Variants in REC114 observed in about 807,000 individuals in gnomAD.
REC114 encodes REC114 meiotic recombination protein, also known as meiotic recombination protein REC114.
REC114 carries 27 observed loss-of-function variants against 31.3 expected under a neutral mutation model. The ratio of observed to expected loss-of-function variants is 0.86; its 90% CI spans 0.64 to 1.19. The LOEUF is 1.19. Ranked by LOEUF, REC114 falls within the 50% of genes most tolerant of loss-of-function variation. The pLI, the probability that REC114 is intolerant of heterozygous loss-of-function variation, is 0.00. For synonymous variants in REC114, 134 were observed against 127.7 expected (o/e 1.05, Z -0.33); for missense variants, 344 against 326.9 (o/e 1.05, Z -0.40).
intron 3 of REC114, among the ~76,000 whole-genome samples, chr15:73,541,995 C>CT (rs1894244485): frequency 6.6e-6 from 1 of 151,880 alleles, no homozygotes; most frequent in East Asian, 1.9e-4. Flanking sequence ...GAAAAATCAG[C>CT]TATAATGGCC....
At chr15:73,526,243 C>T (rs770164086) in intron 2 of REC114, among the ~76,000 whole-genome samples, 4 of 152,060 alleles carry the variant, frequency 2.6e-5, no homozygotes, top group Admixed American at 1.3e-4. Context: ...GATAGAATAT[C>T]GTCTGATCTT....
In REC114 at chr15:73,540,536, G is replaced by A. The variant is rs182542888; in HGVS notation, c.301G>A (p.Val101Met). 30 of 1,613,910 alleles carry A rather than the reference G, an allele frequency of 1.9e-5. No homozygotes were observed. The Middle Eastern group carries it at 1.3e-3, about 71-fold the overall frequency. The change falls in exon 3 of 6, where the codon GTG becomes ATG. Residue 101 changes from valine (V) to methionine (M), a missense_variant. Val to Met is a conservative substitution (Grantham distance 21, BLOSUM62 1). Coordinates refer to ENST00000331090, the MANE Select transcript of REC114 (RefSeq NM_001042367.2). The stretch of plus-strand genomic sequence containing the variant: ...GGACTGGTTGAAGATTGTAAGACGC[G>A]TGGATTGTCTGTTGTTTGGAACAAC... ...SKDWLKIVRRVDCLLFGTTIK... is the reference protein window; with the variant it reads ...SKDWLKIVRRMDCLLFGTTIK...
At chr15:73,528,802 T>C (rs939710489) in intron 2 of REC114, among the ~76,000 whole-genome samples, 2 of 152,084 alleles carry the variant, frequency 1.3e-5, no homozygotes, top group South Asian at 4.2e-4. Flanking sequence ...AATGCCAAAA[T>C]ATTTACTCAC....
At chr15:73,474,052 G>GA in intron 2 of REC114, 131 bp downstream of exon 2, 1 of 678,542 alleles carries the variant, frequency 1.5e-6, no homozygotes, top group South Asian at 1.7e-5. Context: ...AGCATTTATC[G>GA]AATGTGCCAT....
At chr15:73,458,871 C>A (rs1892952566) in intron 1 of REC114, among the ~76,000 whole-genome samples, 1 of 152,104 alleles carries the variant, frequency 6.6e-6, no homozygotes, top group South Asian at 2.1e-4. Flanking sequence ...ATATGTCTAG[C>A]TAAAAAAACT....
At chr15:73,502,120 A>C (rs559915480) in intron 2 of REC114, among the ~76,000 whole-genome samples, 19 of 150,272 alleles carry the variant, frequency 1.3e-4, no homozygotes, top group African/African-American at 4.7e-4. Flanking sequence ...ACGCCACTGC[A>C]CTCCAGCCTG....
intron 3 of REC114, among the ~76,000 whole-genome samples, chr15:73,542,021 CT>C (rs879624654): frequency 6.6e-6 from 1 of 150,634 alleles, no homozygotes; most frequent in East Asian, 1.9e-4. Flanking sequence ...AACCAGATTT[CT>C]TTTTTTTTCA....
At chr15:73,468,389 AGTGTAT>A (rs1893089501) in intron 1 of REC114, among the ~76,000 whole-genome samples, 1 of 152,168 alleles carries the variant, frequency 6.6e-6, no homozygotes, top group Non-Finnish European at 1.5e-5. Flanking sequence ...GTTCTTCATT[AGTGTAT>A]GTAAATGCAA....
chr15:73,484,140 C>T (rs766173595), intron 2 of REC114, among the ~76,000 whole-genome samples: 1 of 152,022 alleles, frequency 6.6e-6, no homozygotes, highest in Non-Finnish European at 1.5e-5. Context: ...CATCCTCCAC[C>T]TAGTGAATGT....
chr15:73,545,310 A>G (rs1005478902), intron 3 of REC114, among the ~76,000 whole-genome samples: 20 of 152,306 alleles, frequency 1.3e-4, no homozygotes, highest in African/African-American at 4.8e-4. Flanking sequence ...GATTGTTGGT[A>G]TACTTGAGAA....
At chr15:73,444,406 C>A (rs1014009856) in intron 1 of REC114, among the ~76,000 whole-genome samples, 3 of 152,220 alleles carry the variant, frequency 2.0e-5, no homozygotes, top group Non-Finnish European at 2.9e-5. Context: ...ACTTTGCTGT[C>A]ATTTCAGCAA....
intron 2 of REC114, among the ~76,000 whole-genome samples, chr15:73,480,722 G>A (rs954114384): frequency 2.0e-5 from 3 of 152,080 alleles, no homozygotes; most frequent in Non-Finnish European, 4.4e-5. Context: ...CTTTCGCCCA[G>A]GCTGGGATGC....
intron 1 of REC114, among the ~76,000 whole-genome samples, chr15:73,468,964 T>C (rs1017581155): frequency 6.6e-6 from 1 of 152,182 alleles, no homozygotes; most frequent in Non-Finnish European, 1.5e-5. Flanking sequence ...TGATTTCTAA[T>C]TTAATTCATC....
intron 5 of REC114, 27 bp from the exon 6 acceptor site, chr15:73,559,725 G>GT (rs755559195): frequency 6.6e-7 from 1 of 1,518,572 alleles, no homozygotes. Context: ...CCTGTAATCT[G>GT]TAACGACTTT....
chr15:73,518,351 T>C (rs1006107055), intron 2 of REC114, among the ~76,000 whole-genome samples: 1 of 152,196 alleles, frequency 6.6e-6, no homozygotes, highest in Non-Finnish European at 1.5e-5. Flanking sequence ...TCTCTCCCTG[T>C]CTCTGCCTCT....
chr15:73,513,853 T>C (rs2141316186), intron 2 of REC114, among the ~76,000 whole-genome samples: 1 of 151,976 alleles, frequency 6.6e-6, no homozygotes, highest in Non-Finnish European at 1.5e-5. Flanking sequence ...TTCAAAGCTG[T>C]CAGACAGGGA....
intron 2 of REC114, among the ~76,000 whole-genome samples, chr15:73,503,298 G>T (rs112082190): frequency 0.043 from 6,594 of 152,196 alleles, 510 homozygotes; most frequent in African/African-American, 0.15. Flanking sequence ...CAACTGAGTT[G>T]TGGCACACAA....
At chr15:73,547,955 A>T (rs571190963) in intron 3 of REC114, among the ~76,000 whole-genome samples, 1 of 152,362 alleles carries the variant, frequency 6.6e-6, no homozygotes, top group Non-Finnish European at 1.5e-5. Context: ...ACAGCAAAAG[A>T]AACTATCAAC....
chr15:73,538,596 A>G (rs1441100250), intron 2 of REC114, among the ~76,000 whole-genome samples: 1 of 151,408 alleles, frequency 6.6e-6, no homozygotes, highest in African/African-American at 2.4e-5. Flanking sequence ...AGCTGGGACT[A>G]CAGGCACCCG....
Sources: allele counts gnomAD v4.1 joint callset (sites outside exome capture counted in the v4.1 genomes callset), GRCh38; gene constraint gnomAD v4.1.1; transcripts MANE v1.5; gene names NCBI Gene and HGNC (gene_info 2026-07-23, HGNC 2026-07-21).